DENND1A: variants seen among roughly 807,000 people sequenced by gnomAD.
DENND1A encodes DENN domain-containing protein 1A.
In DENND1A, 51 loss-of-function variants were observed where a neutral mutation model predicts 113.7. The ratio of observed to expected loss-of-function variants is 0.45; its 90% confidence interval spans 0.36 to 0.57. The LOEUF (loss-of-function observed/expected upper bound fraction) is 0.57. Ranked by LOEUF, DENND1A falls within the 20% of genes least tolerant of loss-of-function variation. The pLI, the probability that DENND1A is intolerant of heterozygous loss-of-function variation, is 0.00. For missense variants in DENND1A, 1,258 were observed against 1,395.9 expected, an observed-to-expected ratio of 0.90 and a Z score of 1.57; for synonymous variants, 565 against 570.8, an observed-to-expected ratio of 0.99 and a Z score of 0.14.
intron 13 of DENND1A, among the ~76,000 whole-genome samples, chr9:123,508,460 A>G (rs2053160657): frequency 6.6e-6 from 1 of 152,244 alleles, no homozygotes; most frequent in Non-Finnish European, 1.5e-5. Context: ...TAATAAAATG[A>G]GCTGTTTCTG....
intron 18 of DENND1A, among the ~76,000 whole-genome samples, chr9:123,440,840 T>C (rs146683520): frequency 1.3e-5 from 2 of 152,376 alleles, no homozygotes; most frequent in African/African-American, 4.8e-5. Flanking sequence ...AGCTCATGCA[T>C]AATTTTATAT....
chr9:123,836,504 T>C (rs76101053), intron 2 of DENND1A, among the ~76,000 whole-genome samples: 5,423 of 152,194 alleles, frequency 0.036, 101 homozygotes, highest in Middle Eastern at 0.048. Context: ...AAAAAGCTAA[T>C]ATACTTTTTT....
At chr9:123,849,795 C>A (rs1843082908) in intron 2 of DENND1A, among the ~76,000 whole-genome samples, 1 of 152,146 alleles carries the variant, frequency 6.6e-6, no homozygotes, top group South Asian at 2.1e-4. Context: ...AAAATACCAA[C>A]ATTAACAAGA....
chr9:123,863,301 C>T (rs1029223242), intron 2 of DENND1A, among the ~76,000 whole-genome samples: 1 of 152,200 alleles, frequency 6.6e-6, no homozygotes, highest in Non-Finnish European at 1.5e-5. Context: ...GATTAGGGCA[C>T]AAGCTACACT....
At chr9:123,610,316 A>G (rs1038820835) in intron 10 of DENND1A, among the ~76,000 whole-genome samples, 1 of 152,230 alleles carries the variant, frequency 6.6e-6, no homozygotes, top group Non-Finnish European at 1.5e-5. Flanking sequence ...AAATTCATCT[A>G]TTCTAATCCA....
At chr9:123,804,352 AT>A (rs961228757) in intron 2 of DENND1A, among the ~76,000 whole-genome samples, 2 of 152,182 alleles carry the variant, frequency 1.3e-5, no homozygotes, top group Non-Finnish European at 2.9e-5. Flanking sequence ...GTATGTCTTT[AT>A]AGCAGCATGA....
intron 2 of DENND1A, among the ~76,000 whole-genome samples, chr9:123,831,475 C>A (rs917420887): frequency 6.6e-6 from 1 of 152,032 alleles, no homozygotes; most frequent in Admixed American, 6.6e-5. Flanking sequence ...ACTACAAAGA[C>A]CAATAATAAC....
At chr9:123,671,079 G>C (rs950995762) in intron 7 of DENND1A, among the ~76,000 whole-genome samples, 2 of 152,066 alleles carry the variant, frequency 1.3e-5, no homozygotes, top group Non-Finnish European at 2.9e-5. Context: ...AGGAGGGTGG[G>C]GACATTCAGG....
At position 123,381,600 on chromosome 9, in the gene DENND1A, G is replaced by A; in HGVS notation, c.3045C>T (p.Pro1015=). ...PGDPPLLPPR[P]PQGLEPTLQP... is the part of the protein sequence containing the mutation. ...GCAGTGTTGGCTCCAGGCCTTGAGG[G>A]GGCCTGGGAGGCAGAAGCGGGGGGT... is the stretch of plus-strand genomic sequence containing the variant. Residue 1015 remains proline, a synonymous_variant, in exon 24 of 24, where the codon CCC becomes CCT. Coordinates refer to ENST00000394215, the MANE Select transcript of DENND1A (RefSeq NM_001352964.2). This position sits in a 1 kb window ranked among gnomAD's most constrained non-coding sequence, Gnocchi z 4.7. 1 of 1,613,190 alleles carries A rather than the reference G, an allele frequency of 6.2e-7. No individual in the cohort carries two copies. The highest frequency in any genetic ancestry group is 1.1e-5 in the South Asian group (1 of 91,090).
chr9:123,472,358 G>A (rs553523323), intron 13 of DENND1A, among the ~76,000 whole-genome samples: 35 of 152,266 alleles, frequency 2.3e-4, no homozygotes, highest in African/African-American at 6.7e-4. Context: ...GCAGCCAGCC[G>A]GCGGTTCACA....
intron 12 of DENND1A, among the ~76,000 whole-genome samples, chr9:123,578,673 G>GA (rs1485202505): frequency 6.6e-6 from 1 of 152,122 alleles, no homozygotes; most frequent in African/African-American, 2.4e-5. Context: ...TAGATTCTTG[G>GA]AAAACAAAGA....
At chr9:123,561,736 G>C (rs748837121) in intron 12 of DENND1A, among the ~76,000 whole-genome samples, 1 of 152,064 alleles carries the variant, frequency 6.6e-6, no homozygotes, top group Admixed American at 6.5e-5. Flanking sequence ...AAAGGAAAGA[G>C]GGGGCAAAAC....
At chr9:123,884,994 C>CGT (rs1263690651) in intron 1 of DENND1A, among the ~76,000 whole-genome samples, 35 of 126,540 alleles carry the variant, frequency 2.8e-4, no homozygotes, top group Admixed American at 2.5e-3. Context: ...TGCGAGCGCG[C>CGT]GCGCACACAC....
chr9:123,775,444 AG>A (rs757777582), intron 3 of DENND1A, among the ~76,000 whole-genome samples: 7 of 152,310 alleles, frequency 4.6e-5, no homozygotes, highest in Non-Finnish European at 1.0e-4. Context: ...CCAAAGGAAT[AG>A]GGGTCCCAAC....
intron 18 of DENND1A, among the ~76,000 whole-genome samples, chr9:123,444,236 A>C (rs906967103): frequency 6.6e-6 from 1 of 152,262 alleles, no homozygotes. Flanking sequence ...CTAATGAAAT[A>C]ATATGAATTT....
At chr9:123,792,553 T>C (rs1833142323) in intron 3 of DENND1A, 34 bp downstream of exon 3, 26 of 1,607,798 alleles carry the variant, frequency 1.6e-5, no homozygotes, top group Non-Finnish European at 2.2e-5. Context: ...GAAATAAATT[T>C]TGTCATGTAA....
At chr9:123,818,543 C>A (rs1837925086) in intron 2 of DENND1A, among the ~76,000 whole-genome samples, 1 of 147,554 alleles carries the variant, frequency 6.8e-6, no homozygotes, top group Non-Finnish European at 1.5e-5. Flanking sequence ...CACACACACA[C>A]ACACACACAC....
At chr9:123,678,877 G>C (rs941659446) in intron 5 of DENND1A, among the ~76,000 whole-genome samples, 2 of 152,124 alleles carry the variant, frequency 1.3e-5, no homozygotes, top group Non-Finnish European at 2.9e-5. Flanking sequence ...CATTCAAGAG[G>C]GATTAGGGAG....
chr9:123,429,314 T>G (rs958847619), intron 19 of DENND1A, among the ~76,000 whole-genome samples: 4 of 152,180 alleles, frequency 2.6e-5, no homozygotes, highest in Non-Finnish European at 5.9e-5. Context: ...CCAGCACTTT[T>G]GGAGGCCGGG....
Sources: gnomAD v4.1 joint callset for allele counts (sites outside exome capture counted in the v4.1 genomes callset) on GRCh38, gnomAD v4.1.1 for gene constraint, Gnocchi (gnomAD v3.1) non-coding constraint, MANE v1.5 for transcripts, NCBI Gene and HGNC (gene_info 2026-07-23, HGNC 2026-07-21) for gene names.